Variants in GALNT16 observed in about 807,000 individuals in gnomAD.
GALNT16 encodes the protein polypeptide N-acetylgalactosaminyltransferase 16.
Under a neutral mutation model 76.1 loss-of-function variants are expected in GALNT16, and 40 were observed. That is an observed-to-expected ratio of 0.53 (90% CI 0.41 to 0.68). The LOEUF (loss-of-function observed/expected upper bound fraction) is 0.68. Among genes scored for constraint, GALNT16 ranks in the 30% least tolerant of loss-of-function variants. GALNT16 has a pLI of 0.00. For missense variants in GALNT16, 621 were observed against 731.9 expected, an observed-to-expected ratio of 0.85 and a Z score of 1.75; for synonymous variants, 276 against 285.2, an observed-to-expected ratio of 0.97 and a Z score of 0.32.
At chr14:69,263,223 A>G (rs1486667969) in intron 1 of GALNT16, among the ~76,000 whole-genome samples, 1 of 152,036 alleles carries the variant, frequency 6.6e-6, no homozygotes, top group Non-Finnish European at 1.5e-5. Context: ...CATCCCCCTA[A>G]TATTATTGTA....
intron 1 of GALNT16, among the ~76,000 whole-genome samples, chr14:69,287,386 G>A (rs2044627534): frequency 6.6e-6 from 1 of 152,228 alleles, no homozygotes. Flanking sequence ...GCAAGGATGA[G>A]TGAACTGTAG....
At chr14:69,275,487 A>G (rs1005552269) in intron 1 of GALNT16, among the ~76,000 whole-genome samples, 7 of 152,358 alleles carry the variant, frequency 4.6e-5, no homozygotes, top group Non-Finnish European at 8.8e-5. Flanking sequence ...AAAATAATAC[A>G]AAACAATTCC....
intron 1 of GALNT16, among the ~76,000 whole-genome samples, chr14:69,273,583 T>C (rs1594812354): frequency 6.6e-6 from 1 of 152,220 alleles, no homozygotes; most frequent in Non-Finnish European, 1.5e-5. Flanking sequence ...ACTTTAGAGA[T>C]CTGACATGCT....
At chr14:69,320,657 A>G in intron 1 of GALNT16, 54 bp from the exon 2 acceptor site, 1 of 1,557,648 alleles carries the variant, frequency 6.4e-7, no homozygotes, top group Non-Finnish European at 8.8e-7. Flanking sequence ...AGCACTCGCC[A>G]AGCAGTGGGG....
At position 69,333,485 on chromosome 14, in the gene GALNT16, C is replaced by T; in HGVS notation, c.864-12C>T. The T allele has an allele frequency of 2.6e-6, 4 of 1,560,838 alleles. No individual in the cohort carries two copies. Among genetic ancestry groups the T allele is most frequent in the Non-Finnish European group, 2.7e-6 (3 of 1,131,738 alleles). ...AGCTCACGTGTTGCGTCTTCCCTCTCCTTGCTCCCAGGACGCCTGTCATAG... is the reference window on the plus strand; with the variant it reads ...AGCTCACGTGTTGCGTCTTCCCTCTTCTTGCTCCCAGGACGCCTGTCATAG... On this transcript the variant is annotated splice_polypyrimidine_tract_variant and intron_variant, in intron 8 of 14. Transcript: ENST00000448469. The surrounding 1 kb of genome is among the most constrained non-coding windows in gnomAD (Gnocchi z 4.2).
rs2044247653 is a variant in GALNT16, at chr14:69,260,419, A to C, written c.129A>C (p.Ala43=). 1 of 1,597,228 alleles carries C rather than the reference A, an allele frequency of 6.3e-7. No individual in the cohort carries two copies. Among genetic ancestry groups the C allele is most frequent in the Non-Finnish European group, 8.5e-7 (1 of 1,171,446 alleles). The change falls in exon 1 of 15, where the codon GCA becomes GCC. Residue 43 remains alanine (A), a synonymous_variant. Coordinates refer to ENST00000448469, the MANE Select transcript of GALNT16 (RefSeq NM_001168368.2). ...ASSGGRGAQR[A]GRRSEQLRED... ...CCGGCGGCCGGGGCGCGCAGAGGGC[A>C]GGCAGGAGGTCGGAGCAGCTCCGCG... is the stretch of plus-strand genomic sequence containing the variant.
intron 11 of GALNT16, 79 bp downstream of exon 11, chr14:69,339,698 C>A: frequency 1.2e-6 from 1 of 857,012 alleles, no homozygotes; most frequent in Non-Finnish European, 1.8e-6. Context: ...GTGGTATGTA[C>A]GCCAGGGAAC....
intron 5 of GALNT16, among the ~76,000 whole-genome samples, chr14:69,327,480 G>A (rs1326290995): frequency 2.0e-5 from 3 of 152,264 alleles, no homozygotes; most frequent in Admixed American, 6.5e-5. Flanking sequence ...CCACTGGGCT[G>A]TAGGTACCGT....
At chr14:69,331,945 C>T (rs918466806) in intron 7 of GALNT16, among the ~76,000 whole-genome samples, 7 of 152,236 alleles carry the variant, frequency 4.6e-5, no homozygotes, top group African/African-American at 1.4e-4. Context: ...CTTCCTAACA[C>T]ATGCGCCCCA....
At chr14:69,263,526 A>C (rs2044302995) in intron 1 of GALNT16, among the ~76,000 whole-genome samples, 1 of 152,256 alleles carries the variant, frequency 6.6e-6, no homozygotes, top group African/African-American at 2.4e-5. Flanking sequence ...AAATTCAGAC[A>C]GGCGTCATCA....
At chr14:69,303,313 A>G (rs1280606156) in intron 1 of GALNT16, among the ~76,000 whole-genome samples, 1 of 152,178 alleles carries the variant, frequency 6.6e-6, no homozygotes, top group African/African-American at 2.4e-5. Context: ...AAAGAACCCA[A>G]AGGGAGGGGC....
chr14:69,331,949 C>T (rs1179478096), intron 7 of GALNT16, among the ~76,000 whole-genome samples: 7 of 152,152 alleles, frequency 4.6e-5, no homozygotes, highest in African/African-American at 7.2e-5. Context: ...CTAACACATG[C>T]GCCCCAGAGA....
intron 1 of GALNT16, among the ~76,000 whole-genome samples, chr14:69,277,808 C>T (rs919672957): frequency 6.6e-6 from 1 of 152,188 alleles, no homozygotes; most frequent in Non-Finnish European, 1.5e-5. Context: ...CACTGTCTTC[C>T]ACAATGGTTG....
chr14:69,299,115 G>A (rs962694090), intron 1 of GALNT16, among the ~76,000 whole-genome samples: 2 of 152,220 alleles, frequency 1.3e-5, no homozygotes, highest in African/African-American at 2.4e-5. Flanking sequence ...ATTTCAGCAC[G>A]TGCAGTAGCC....
intron 13 of GALNT16, among the ~76,000 whole-genome samples, 198 bp downstream of exon 13, chr14:69,347,379 A>C (rs1234744325): frequency 2.0e-5 from 3 of 152,074 alleles, no homozygotes; most frequent in Non-Finnish European, 4.4e-5. Flanking sequence ...TGTGTGCACC[A>C]CCTGCTTTGT....
chr14:69,360,388 G>A (rs2140214768), downstream of GALNT16, among the ~76,000 whole-genome samples: 1 of 152,088 alleles, frequency 6.6e-6, no homozygotes, highest in South Asian at 2.1e-4. Flanking sequence ...GGCCGATTAG[G>A]AGACTGAGAC....
At chr14:69,327,699 C>T (rs924359392) in intron 5 of GALNT16, among the ~76,000 whole-genome samples, 5 of 152,298 alleles carry the variant, frequency 3.3e-5, no homozygotes, top group African/African-American at 1.2e-4. Flanking sequence ...AAGAGTGAGG[C>T]CCTTCCCTCC....
At chr14:69,346,445 G>A (rs1345971852) in intron 12 of GALNT16, among the ~76,000 whole-genome samples, 1 of 152,142 alleles carries the variant, frequency 6.6e-6, no homozygotes, top group South Asian at 2.1e-4. Flanking sequence ...CTCCTGAGAA[G>A]CTGTGCTAAT....
chr14:69,264,097 G>T (rs576442993), intron 1 of GALNT16, among the ~76,000 whole-genome samples: 1 of 152,324 alleles, frequency 6.6e-6, no homozygotes, highest in African/African-American at 2.4e-5. Flanking sequence ...GCATGGGTGG[G>T]AGGCTAAGGT....
Sources: allele counts gnomAD v4.1 joint callset (sites outside exome capture counted in the v4.1 genomes callset), GRCh38; gene constraint gnomAD v4.1.1; non-coding constraint Gnocchi (gnomAD v3.1); transcripts MANE v1.5; gene names NCBI Gene and HGNC (gene_info 2026-07-23, HGNC 2026-07-21).